The following CDH23 variants were observed in gnomAD, a reference collection of about 807,000 sequenced individuals.
CDH23 encodes cadherin related 23.
CDH23 carries 189 observed loss-of-function variants against 317.1 expected under a neutral mutation model. The observed-to-expected ratio is 0.60, with a 90% CI of 0.53 to 0.67. The LOEUF (loss-of-function observed/expected upper bound fraction) is 0.67. CDH23 is among the 30% of genes least tolerant of loss of function. The pLI, the probability that CDH23 is intolerant of heterozygous loss-of-function variation, is 0.00. For missense variants in CDH23, 4,401 were observed against 4,592.4 expected, an observed-to-expected ratio of 0.96 and a Z score of 1.20; for synonymous variants, 1,839 against 1,876.8, an observed-to-expected ratio of 0.98 and a Z score of 0.52.
At chr10:71,547,587 G>T (rs1856353837) in intron 6 of CDH23, among the ~76,000 whole-genome samples, 1 of 152,236 alleles carries the variant, frequency 6.6e-6, no homozygotes, top group African/African-American at 2.4e-5. Context: ...AGCGCCACGG[G>T]GGAGTCCACA....
intron 45 of CDH23, among the ~76,000 whole-genome samples, chr10:71,789,784 C>T (rs1319802195): frequency 6.6e-6 from 1 of 152,240 alleles, no homozygotes; most frequent in East Asian, 1.9e-4. Context: ...CAGAGGCACA[C>T]GAGTGCACAA....
chr10:71,660,238 G>A (rs1349179500), intron 14 of CDH23, among the ~76,000 whole-genome samples: 4 of 152,170 alleles, frequency 2.6e-5, no homozygotes, highest in African/African-American at 7.2e-5. Flanking sequence ...GAGCCACCGC[G>A]CCCGGCCTGA....
At position 71,694,231 on chromosome 10, in the gene CDH23, G is replaced by A. The variant is rs755652371; in HGVS notation, c.2261G>A (p.Gly754Asp). 6.2e-7 allele frequency: 1 copy of A among 1,612,916 alleles called. No homozygotes were observed. The highest frequency in any genetic ancestry group is 8.5e-7 in the Non-Finnish European group (1 of 1,179,434). Residue 754 changes from glycine (G) to aspartate (D), a missense_variant, in exon 21 of 70, where the codon GGC (glycine) becomes GAC (aspartate). This residue lies in a region of CDH23 where 3,068 missense variants were observed against 3,203.3 expected (regional missense o/e 0.96). Transcript: ENST00000224721. ...LIVRAVDGGVGHNQKTGIATV... is the reference protein window; with the variant it reads ...LIVRAVDGGVDHNQKTGIATV... The stretch of plus-strand genomic sequence containing the variant: ...GTTCGCGCAGTGGACGGGGGTGTGG[G>A]CCACAACCAGAAAACTGGCATCGCC...
At chr10:71,429,928 T>A (rs574499098) in intron 1 of CDH23, among the ~76,000 whole-genome samples, 3 of 152,242 alleles carry the variant, frequency 2.0e-5, no homozygotes, top group Non-Finnish European at 4.4e-5. Context: ...CCTCCAACAA[T>A]GTAGTAAGGA....
chr10:71,720,702 A>G (rs1185716753), intron 28 of CDH23, among the ~76,000 whole-genome samples: 2 of 152,192 alleles, frequency 1.3e-5, no homozygotes, highest in Non-Finnish European at 2.9e-5. Context: ...CTGTCTGCCA[A>G]CCCCAAGATG....
At chr10:71,443,728 C>T (rs2132016363) in intron 2 of CDH23, among the ~76,000 whole-genome samples, 1 of 152,338 alleles carries the variant, frequency 6.6e-6, no homozygotes, top group South Asian at 2.1e-4. Flanking sequence ...GAAATCACCC[C>T]CTGCCCCTCC....
At position 71,812,486 on chromosome 10, in the gene CDH23, C is replaced by A. The variant is rs752839332; in HGVS notation, c.9387C>A (p.Asn3129Lys). The A allele has an allele frequency of 1.5e-6, 2 of 1,377,852 alleles. No individual in the cohort carries two copies. Among genetic ancestry groups the A allele is most frequent in the South Asian group, 2.3e-5 (2 of 88,156 alleles). The allele number at this position is 1,377,852 out of a possible 1,614,324, so 85.4% of individuals were successfully genotyped here. A position where few individuals can be genotyped will look rare whatever the true frequency, so the allele number is the denominator to read the frequency against. ...TTTCCCTCCCCAACTGCAGAGCCAACCCTGTGTGGCTGGATCCCTTCTGTC... is the reference window on the plus strand; with the variant it reads ...TTTCCCTCCCCAACTGCAGAGCCAAACCTGTGTGGCTGGATCCCTTCTGTC... ...NTNKYSFDGA[N>K]PVWLDPFCRN... The change falls in exon 67 of 70, where the codon AAC (asparagine) becomes AAA (lysine). Residue 3129 changes from asparagine to lysine, a missense_variant. Asn to Lys is a moderately conservative substitution (Grantham distance 94, BLOSUM62 0). This residue lies in a region of CDH23 where 1,144 missense variants were observed against 1,138.2 expected (regional missense o/e 1.01). Transcript: ENST00000224721.
chr10:71,791,692 C>T (rs547979373), intron 47 of CDH23, among the ~76,000 whole-genome samples: 63 of 152,098 alleles, frequency 4.1e-4, no homozygotes, highest in Non-Finnish European at 7.5e-4. Flanking sequence ...TCTCCTGCCT[C>T]AGCCTCCCGA....
intron 6 of CDH23, among the ~76,000 whole-genome samples, chr10:71,535,364 T>C (rs7922915): frequency 0.36 from 54,292 of 152,100 alleles, 10,742 homozygotes; most frequent in African/African-American, 0.52. Context: ...CTCCTGCCTT[T>C]CCCAGCCCGT....
chr10:71,744,104 GA>G (rs1839799062), intron 38 of CDH23, among the ~76,000 whole-genome samples: 1 of 152,114 alleles, frequency 6.6e-6, no homozygotes, highest in Admixed American at 6.5e-5. Flanking sequence ...AGGGAGGTTA[GA>G]AAAAATGAGG....
At chr10:71,537,923 G>A (rs1165778906) in intron 6 of CDH23, among the ~76,000 whole-genome samples, 1 of 152,166 alleles carries the variant, frequency 6.6e-6, no homozygotes, top group Admixed American at 6.5e-5. Flanking sequence ...CTGGTATAGA[G>A]CAGAGCTGGG....
At chr10:71,605,085 G>T (rs1054419813) in intron 9 of CDH23, among the ~76,000 whole-genome samples, 1 of 152,162 alleles carries the variant, frequency 6.6e-6, no homozygotes, top group Non-Finnish European at 1.5e-5. Context: ...CAAACACTGG[G>T]GGGTATTTTG....
intron 6 of CDH23, among the ~76,000 whole-genome samples, chr10:71,555,509 A>G (rs939705527): frequency 2.6e-5 from 4 of 152,174 alleles, no homozygotes; most frequent in Non-Finnish European, 4.4e-5. Flanking sequence ...TCCCTGATGC[A>G]TGATACCCTC....
chr10:71,744,718 C>T (rs1178689289), intron 38 of CDH23, among the ~76,000 whole-genome samples: 1 of 152,192 alleles, frequency 6.6e-6, no homozygotes, highest in Non-Finnish European at 1.5e-5. Context: ...TCCTGGTCAT[C>T]ACCAGCTCTG....
In CDH23 at chr10:71,463,928, T is replaced by A. The variant is rs1474401268; in HGVS notation, c.145+17533T>A. ...AATACCCAATCCCTGGAGTCCCCAT[T>A]AGAATATTTTCACTAAATCAACACC... On this transcript the variant is annotated intron_variant, in intron 3 of 69. Transcript: ENST00000224721. Among the ~76,000 whole-genome samples the A allele has an allele frequency of 2.0e-5, 3 of 152,310 alleles. No homozygotes were observed. In the East Asian group the frequency reaches 5.8e-4, roughly 29 times the overall value.
At chr10:71,664,050 A>G (rs1208902308) in intron 14 of CDH23, among the ~76,000 whole-genome samples, 3 of 150,748 alleles carry the variant, frequency 2.0e-5, no homozygotes, top group Non-Finnish European at 4.4e-5. Context: ...TGCCTTGCAC[A>G]GTGCCAGGTC....
intron 14 of CDH23, among the ~76,000 whole-genome samples, chr10:71,668,390 G>GACTC (rs1391461646): frequency 6.6e-6 from 1 of 152,228 alleles, no homozygotes; most frequent in Admixed American, 6.5e-5. Flanking sequence ...CTCAAGCTCA[G>GACTC]ACTCAGACTT....
intron 3 of CDH23, among the ~76,000 whole-genome samples, chr10:71,465,870 G>C (rs1851227375): frequency 1.3e-5 from 2 of 151,528 alleles, no homozygotes; most frequent in Non-Finnish European, 1.5e-5. Flanking sequence ...CTGAACAAGG[G>C]GAGAGGAAGA....
chr10:71,490,311 T>A (rs1013005855), intron 3 of CDH23, among the ~76,000 whole-genome samples: 2 of 152,216 alleles, frequency 1.3e-5, no homozygotes, highest in Admixed American at 6.5e-5. Flanking sequence ...TGCATGTTAT[T>A]AGAATCAGAA....
Sources: allele counts gnomAD v4.1 joint callset (sites outside exome capture counted in the v4.1 genomes callset), GRCh38; gene constraint gnomAD v4.1.1; regional missense constraint gnomAD v4.1.1; transcripts MANE v1.5; gene names NCBI Gene and HGNC (gene_info 2026-07-23, HGNC 2026-07-21).